PCDHGB7: variants seen among roughly 807,000 people sequenced by gnomAD.
The protein encoded by PCDHGB7 is protocadherin gamma-B7.
PCDHGB7 carries 37 observed loss-of-function variants against 61.4 expected under a neutral mutation model. The ratio of observed to expected loss-of-function variants is 0.60; its 90% CI spans 0.46 to 0.79. PCDHGB7 has a LOEUF of 0.79. Among genes scored for constraint, PCDHGB7 ranks in the 30% least tolerant of loss-of-function variants. The probability of loss-of-function intolerance (pLI) is 0.00; values close to 1 mark genes in which losing one functional copy is unlikely to be tolerated. For synonymous variants in PCDHGB7, 464 were observed against 503.5 expected, an observed-to-expected ratio of 0.92 and a Z score of 1.05; for missense variants, 1,166 against 1,202.5, an observed-to-expected ratio of 0.97 and a Z score of 0.45.
At chr5:141,505,143 CAG>C (rs1332770308) in intron 2 of PCDHGB7, among the ~76,000 whole-genome samples, 1 of 152,172 alleles carries the variant, frequency 6.6e-6, no homozygotes, top group Non-Finnish European at 1.5e-5. Context: ...GCCTGGATGA[CAG>C]AGTAAGACCC....
Position 141,418,829 on chromosome 5 carries a change from C to A in PCDHGB7, c.970C>A (p.Arg324=). 1.9e-6 allele frequency: 3 copies of A among 1,613,856 alleles called. No homozygotes were observed. Among genetic ancestry groups the A allele is most frequent in the Non-Finnish European group, 1.7e-6 (2 of 1,179,824 alleles). Residue 324 remains arginine (R), a synonymous_variant, in exon 1 of 4, where the codon CGA becomes AGA. Coordinates refer to ENST00000398594, the MANE Select transcript of PCDHGB7 (RefSeq NM_018927.4). ...RYTINIEAKD[R]GSLSTRCKVI... ...TACGATAAACATAGAAGCAAAAGAC[C>A]GAGGATCTCTCTCAACACGGTGTAA...
In PCDHGB7 at chr5:141,423,272, T is replaced by C. The variant is rs372798900; in HGVS notation, c.2415+2998T>C. On this transcript the variant is annotated intron_variant, in intron 1 of 3. Coordinates refer to ENST00000398594, the MANE Select transcript of PCDHGB7 (RefSeq NM_018927.4). ...GCGGACCTCGGCAGCCTCGAGTCTC[T>C]GGCTAACTCTGAAACCTCAGACCTC... 36 of 1,613,586 alleles carry C rather than the reference T, an allele frequency of 2.2e-5. No individual in the cohort carries two copies. In the African/African-American group the frequency reaches 4.4e-4, roughly 20 times the overall value.
intron 1 of PCDHGB7, chr5:141,421,232 C>T (rs748347420): frequency 2.5e-6 from 4 of 1,590,252 alleles, no homozygotes; most frequent in African/African-American, 2.7e-5. Flanking sequence ...CCTGCCATGG[C>T]GAATCGGCTA....
chr5:141,441,126 C>A (rs1319809408), intron 1 of PCDHGB7: 2 of 152,062 alleles, frequency 1.3e-5, no homozygotes, highest in Admixed American at 1.3e-4. Context: ...CAGTTGAGAC[C>A]GAATTTCTAG....
At chr5:141,421,587 G>T (rs758433133) in intron 1 of PCDHGB7, 6 of 1,613,900 alleles carry the variant, frequency 3.7e-6, no homozygotes, top group Non-Finnish European at 4.2e-6. Flanking sequence ...TTTACGGAGT[G>T]GAGGTGGAAA....
chr5:141,448,192 TACAAAC>T (rs2098573842), intron 1 of PCDHGB7, among the ~76,000 whole-genome samples: 1 of 152,188 alleles, frequency 6.6e-6, no homozygotes, highest in Non-Finnish European at 1.5e-5. Flanking sequence ...TATGTACACT[TACAAAC>T]ATTTTCTGTG....
At chr5:141,428,141 G>A (rs1314061143) in intron 1 of PCDHGB7, 1 of 1,596,618 alleles carries the variant, frequency 6.3e-7, no homozygotes, top group Non-Finnish European at 8.6e-7. Context: ...GCCTGGGGCT[G>A]CACACGGGAA....
rs756330109 is a variant in PCDHGB7, at chr5:141,432,621, T to A, written c.2415+12347T>A. ...GAGCCGGGACTCTTCTCGGTGGGTC[T>A]GCACACGGGCGAGGTGCGCACGGCG... On this transcript the variant is annotated intron_variant, in intron 1 of 3. Transcript: ENST00000398594. This position sits in a 1 kb window ranked among gnomAD's most constrained non-coding sequence, Gnocchi z 6.0. The A allele has an allele frequency of 3.1e-6, 5 of 1,612,942 alleles. No homozygotes were observed. Among genetic ancestry groups the A allele is most frequent in the Admixed American group, 1.7e-5 (1 of 59,962 alleles).
At position 141,490,406 on chromosome 5, in the gene PCDHGB7, T is replaced by G; in HGVS notation, c.2416-4401T>G. On this transcript the variant is annotated intron_variant, in intron 1 of 3. Transcript: ENST00000398594. This position sits in a 1 kb window ranked among gnomAD's most constrained non-coding sequence, Gnocchi z 5.4. ...AGAAATGGTGAAGTGAGCCTTGATA[T>G]CTCTCCGGACCTGCCATTTCAGATT... is the stretch of plus-strand genomic sequence containing the variant. The G allele has an allele frequency of 1.9e-6, 3 of 1,614,112 alleles. No individual in the cohort carries two copies. Among genetic ancestry groups the G allele is most frequent in the Non-Finnish European group, 2.5e-6 (3 of 1,180,020 alleles).
At chr5:141,479,590 A>T (rs2099500448) in intron 1 of PCDHGB7, 1 of 152,182 alleles carries the variant, frequency 6.6e-6, no homozygotes, top group Non-Finnish European at 1.5e-5. Context: ...TAGCCACTGC[A>T]CTCCAGCCTA....
At position 141,431,513 on chromosome 5, in the gene PCDHGB7, C is replaced by A. The variant is rs1468442248; in HGVS notation, c.2415+11239C>A. ...TCAGCCCGAGTACCGCGCGAGCGTT[C>A]CGGAGAATCTGGCCTTGGGCACGCA... is the stretch of plus-strand genomic sequence containing the variant. On this transcript the variant is annotated intron_variant, in intron 1 of 3. Transcript: ENST00000398594. The surrounding 1 kb of genome is among the most constrained non-coding windows in gnomAD (Gnocchi z 4.8). 1 of 1,614,022 alleles carries A rather than the reference C, an allele frequency of 6.2e-7. No individual in the cohort carries two copies. The highest frequency in any genetic ancestry group is 1.7e-5 in the Admixed American group (1 of 60,032).
In PCDHGB7 at chr5:141,486,649, C is replaced by G; in HGVS notation, c.2416-8158C>G. On this transcript the variant is annotated intron_variant, in intron 1 of 3. Transcript: ENST00000398594. This position sits in a 1 kb window ranked among gnomAD's most constrained non-coding sequence, Gnocchi z 5.0. The stretch of plus-strand genomic sequence containing the variant: ...CTGGCTTGAATGCGCTTATCTCCTA[C>G]TCACTCCTGGAGCCCAGGAATCGAG... The G allele has an allele frequency of 6.2e-7, 1 of 1,613,952 alleles. No individual in the cohort carries two copies. The highest frequency in any genetic ancestry group is 8.5e-7 in the Non-Finnish European group (1 of 1,180,034).
chr5:141,490,793 C>T lies in PCDHGB7; in HGVS notation c.2416-4014C>T, dbSNP rs2233608. 6 of 1,613,812 alleles carry T rather than the reference C, an allele frequency of 3.7e-6. No homozygotes were observed. The East Asian group carries it at 1.3e-4, about 36-fold the overall frequency. On this transcript the variant is annotated intron_variant, in intron 1 of 3. Transcript: ENST00000398594. This position sits in a 1 kb window ranked among gnomAD's most constrained non-coding sequence, Gnocchi z 5.4. Reference sequence around the variant, plus strand: ...AACCCAGAGGATGGACGGATCTTTGCCCAGCGTACCTTTGACTATGAATTG... The same window carrying T: ...AACCCAGAGGATGGACGGATCTTTGTCCAGCGTACCTTTGACTATGAATTG...
chr5:141,460,289 T>C, intron 1 of PCDHGB7, among the ~76,000 whole-genome samples: 1 of 152,148 alleles, frequency 6.6e-6, no homozygotes, highest in East Asian at 1.9e-4. Context: ...TTTGTATTTC[T>C]TATGTCCTAT....
At chr5:141,462,786 T>G (rs1394476968) in intron 1 of PCDHGB7, among the ~76,000 whole-genome samples, 1 of 152,216 alleles carries the variant, frequency 6.6e-6, no homozygotes, top group Admixed American at 6.5e-5. Flanking sequence ...AATTTGTTGC[T>G]TATTTGCATG....
chr5:141,478,920 C>T lies in PCDHGB7; in HGVS notation c.2416-15887C>T, dbSNP rs559060283. On this transcript the variant is annotated intron_variant, in intron 1 of 3. Transcript: ENST00000398594. Reference sequence around the variant, plus strand: ...GGAATAAGCTGCTGGATACCTCTAACCAGTGGCAGCTTCTAGGAATACAAA... The same window carrying T: ...GGAATAAGCTGCTGGATACCTCTAATCAGTGGCAGCTTCTAGGAATACAAA... 608 of 728,392 alleles carry T rather than the reference C, an allele frequency of 8.3e-4. 2 individuals are homozygous for T. The highest frequency in any genetic ancestry group is 1.2e-3 in the South Asian group (55 of 44,196). 45.1% of individuals were successfully genotyped at this position (728,392 alleles called of 1,614,324 possible).
chr5:141,422,833 C>T, intron 1 of PCDHGB7: 2 of 1,614,224 alleles, frequency 1.2e-6, no homozygotes, highest in East Asian at 2.2e-5. Context: ...AGTGATAGCA[C>T]GTGACAGCGG....
chr5:141,487,475 C>T lies in PCDHGB7; in HGVS notation c.2416-7332C>T, dbSNP rs781308835. On this transcript the variant is annotated intron_variant, in intron 1 of 3. Coordinates refer to ENST00000398594, the MANE Select transcript of PCDHGB7 (RefSeq NM_018927.4). The surrounding 1 kb of genome is among the most constrained non-coding windows in gnomAD (Gnocchi z 5.0). ...TATCAAGTTTGTTGATGTGGGAGGC[C>T]ACTCTCATGGCTGTACACCCTTGGC... 1.2e-6 allele frequency: 2 copies of T among 1,614,156 alleles called. No homozygotes were observed. Among genetic ancestry groups the T allele is most frequent in the South Asian group, 1.1e-5 (1 of 91,080 alleles).
In PCDHGB7 at chr5:141,490,858, G is replaced by C. The variant is rs775132338; in HGVS notation, c.2416-3949G>C. On this transcript the variant is annotated intron_variant, in intron 1 of 3. Coordinates refer to ENST00000398594, the MANE Select transcript of PCDHGB7 (RefSeq NM_018927.4). The surrounding 1 kb of genome is among the most constrained non-coding windows in gnomAD (Gnocchi z 5.4). ...GATTGTGGTGGGGGTTCGAGACTCC[G>C]GCTCTCCCCCATTGCATGCCAACAC... The C allele has an allele frequency of 1.5e-5, 24 of 1,613,704 alleles. 1 individual carries two copies. Among genetic ancestry groups the C allele is most frequent in the Non-Finnish European group, 2.0e-5 (24 of 1,179,918 alleles).
Sources: allele counts gnomAD v4.1 joint callset (sites outside exome capture counted in the v4.1 genomes callset), GRCh38; gene constraint gnomAD v4.1.1; non-coding constraint Gnocchi (gnomAD v3.1); transcripts MANE v1.5; gene names NCBI Gene and HGNC (gene_info 2026-07-23, HGNC 2026-07-21).